ACER2: variants seen among roughly 807,000 people sequenced by gnomAD.
The protein encoded by ACER2 is alkCDase 2.
In ACER2, 26 loss-of-function variants were observed where a neutral mutation model predicts 34.7. That is an observed-to-expected ratio of 0.75 (90% confidence interval 0.55 to 1.04). The LOEUF (loss-of-function observed/expected upper bound fraction) is 1.04, where lower values mean the gene tolerates loss of function less well. Ranked by LOEUF, ACER2 falls within the 50% of genes least tolerant of loss-of-function variation. The pLI, the probability that ACER2 is intolerant of heterozygous loss-of-function variation, is 0.00. For synonymous variants in ACER2, 138 were observed against 132.1 expected (o/e 1.04, Z -0.31); for missense variants, 352 against 340.8 (o/e 1.03, Z -0.26).
chr9:19,446,485 C>T, intron 5 of ACER2, 67 bp downstream of exon 5: 4 of 1,606,038 alleles, frequency 2.5e-6, no homozygotes, highest in Non-Finnish European at 3.4e-6. Context: ...GGGCTCTGTT[C>T]ACCCTGCAAG....
chr9:19,433,743 A>G (rs1455882882), intron 3 of ACER2, among the ~76,000 whole-genome samples: 18 of 132,130 alleles, frequency 1.4e-4, no homozygotes, highest in African/African-American at 1.5e-4. Context: ...GGGCAGAGGC[A>G]CCCCTCACCT....
At chr9:19,416,692 A>ATT (rs35209835) in intron 1 of ACER2, among the ~76,000 whole-genome samples, 8 of 144,516 alleles carry the variant, frequency 5.5e-5, no homozygotes, top group South Asian at 2.2e-4. Context: ...TGCCCAGCTA[A>ATT]TTTTTTTTTT....
At chr9:19,420,189 G>A (rs1277805386) in intron 1 of ACER2, among the ~76,000 whole-genome samples, 2 of 152,184 alleles carry the variant, frequency 1.3e-5, no homozygotes, top group East Asian at 1.9e-4. Flanking sequence ...TCTTTGAGAC[G>A]TCCTCTAAGT....
intron 1 of ACER2, among the ~76,000 whole-genome samples, chr9:19,416,626 A>C (rs545959849): frequency 1.3e-5 from 2 of 151,868 alleles, no homozygotes; most frequent in Admixed American, 6.5e-5. Context: ...CCCGGGTCCA[A>C]GTGATTCTCC....
intron 3 of ACER2, among the ~76,000 whole-genome samples, chr9:19,433,889 G>C (rs1482508746): frequency 1.3e-5 from 2 of 151,284 alleles, no homozygotes; most frequent in Non-Finnish European, 2.9e-5. Context: ...CTCCCGGACG[G>C]GGCGGCTGGC....
intron 1 of ACER2, among the ~76,000 whole-genome samples, chr9:19,413,485 A>C (rs896492903): frequency 2.0e-5 from 3 of 152,020 alleles, no homozygotes; most frequent in African/African-American, 7.2e-5. Context: ...CTGTAGTCCC[A>C]GCTACTAGGG....
chr9:19,433,361 T>C (rs200674982), intron 3 of ACER2, among the ~76,000 whole-genome samples: 6 of 152,050 alleles, frequency 3.9e-5, no homozygotes, highest in Admixed American at 2.0e-4. Context: ...TGACTCTTAA[T>C]GAGCATGCTG....
chr9:19,435,695 T>A (rs1390788309), intron 4 of ACER2, among the ~76,000 whole-genome samples: 1 of 151,538 alleles, frequency 6.6e-6, no homozygotes, highest in Non-Finnish European at 1.5e-5. Context: ...GAAGTTGCAG[T>A]GAGCTGAGAT....
At chr9:19,421,745 G>A (rs563853424) in intron 1 of ACER2, among the ~76,000 whole-genome samples, 8 of 152,028 alleles carry the variant, frequency 5.3e-5, no homozygotes, top group African/African-American at 1.7e-4. Context: ...TAGTTTTATG[G>A]TATGTGAATT....
At chr9:19,413,611 A>G (rs1830154360) in intron 1 of ACER2, among the ~76,000 whole-genome samples, 1 of 151,964 alleles carries the variant, frequency 6.6e-6, no homozygotes, top group African/African-American at 2.4e-5. Context: ...AGGAAAAAAA[A>G]AAAAAAAAGA....
At chr9:19,438,518 C>T (rs1419404884) in intron 4 of ACER2, among the ~76,000 whole-genome samples, 1 of 152,214 alleles carries the variant, frequency 6.6e-6, no homozygotes, top group Non-Finnish European at 1.5e-5. Context: ...CTCCTCTAGC[C>T]AACTCTGGAT....
At chr9:19,448,004 CTTTT>C (rs557934540) in intron 5 of ACER2, among the ~76,000 whole-genome samples, 1 of 109,900 alleles carries the variant, frequency 9.1e-6, no homozygotes. Flanking sequence ...ACGATGCAAA[CTTTT>C]TTTTTTTTTT....
chr9:19,424,639 G>T, intron 2 of ACER2, 61 bp from the exon 3 acceptor site: 2 of 1,605,762 alleles, frequency 1.2e-6, no homozygotes, highest in Non-Finnish European at 8.5e-7. Flanking sequence ...TCCTTAAGCA[G>T]TGTATTGAAT....
At chr9:19,414,801 G>A (rs981518637) in intron 1 of ACER2, among the ~76,000 whole-genome samples, 11 of 150,062 alleles carry the variant, frequency 7.3e-5, no homozygotes, top group African/African-American at 2.2e-4. Flanking sequence ...AGCCAAGATC[G>A]CGCCACTGCA....
chr9:19,423,795 A>G, intron 1 of ACER2, 67 bp from the exon 2 acceptor site: 1 of 1,165,296 alleles, frequency 8.6e-7, no homozygotes, highest in Non-Finnish European at 1.3e-6. Flanking sequence ...TACTTGGAAG[A>G]GGCCACTTTA....
rs1247243709 is a variant in ACER2, at chr9:19,446,549, G to A, written c.641+131G>A. The A allele has an allele frequency of 7.2e-6, 11 of 1,530,840 alleles. No homozygotes were observed. In the African/African-American group the frequency reaches 9.6e-5, roughly 13 times the overall value. The allele number at this position is 1,530,840 out of a possible 1,614,324, so 94.8% of individuals were successfully genotyped here. On this transcript the variant is annotated intron_variant, in intron 5 of 5. Coordinates refer to ENST00000340967, the MANE Select transcript of ACER2 (RefSeq NM_001010887.3). Reference sequence around the variant, plus strand: ...GCTTGCTTCTCTCCTCAGGTGGACGGTCAGATGGTTCAGAAGCCACTGAAA... The same window carrying A: ...GCTTGCTTCTCTCCTCAGGTGGACGATCAGATGGTTCAGAAGCCACTGAAA...
At chr9:19,428,409 C>G (rs1830648592) in intron 3 of ACER2, among the ~76,000 whole-genome samples, 2 of 152,060 alleles carry the variant, frequency 1.3e-5, no homozygotes, top group African/African-American at 4.8e-5. Flanking sequence ...CTCAGGTGAT[C>G]TGCCTGCCTT....
intron 4 of ACER2, among the ~76,000 whole-genome samples, chr9:19,444,861 A>C (rs1831302028): frequency 6.6e-6 from 1 of 152,248 alleles, no homozygotes; most frequent in Non-Finnish European, 1.5e-5. Flanking sequence ...ATTCTTTCTA[A>C]AAACTTTTCA....
chr9:19,428,433 A>G (rs1382665613), intron 3 of ACER2, among the ~76,000 whole-genome samples: 3 of 151,866 alleles, frequency 2.0e-5, no homozygotes, highest in Non-Finnish European at 4.4e-5. Flanking sequence ...CTCCCAAAGT[A>G]CTGGGATTAC....
Sources: gnomAD v4.1 joint callset for allele counts (sites outside exome capture counted in the v4.1 genomes callset) on GRCh38, gnomAD v4.1.1 for gene constraint, MANE v1.5 for transcripts, NCBI Gene and HGNC (gene_info 2026-07-23, HGNC 2026-07-21) for gene names.